The following CADM1 variants were observed in gnomAD, a reference collection of about 807,000 sequenced individuals.
CADM1 encodes the protein TSLC-1.
In CADM1, 15 loss-of-function variants were observed where a neutral mutation model predicts 53.1. The observed-to-expected ratio is 0.28, with a 90% CI of 0.19 to 0.44. The LOEUF (loss-of-function observed/expected upper bound fraction) is 0.44. CADM1 is among the 20% of genes least tolerant of loss of function. CADM1 has a pLI of 1.00. For synonymous variants in CADM1, 281 were observed against 243.0 expected, an observed-to-expected ratio of 1.16 and a Z score of -1.45; for missense variants, 434 against 611.3, an observed-to-expected ratio of 0.71 and a Z score of 3.06.
intron 3 of CADM1, among the ~76,000 whole-genome samples, chr11:115,233,452 T>C (rs11215437): frequency 0.3 from 45,797 of 152,088 alleles, 7,616 homozygotes; most frequent in East Asian, 0.65. Flanking sequence ...TAGATGACAG[T>C]CACGTAGGTT....
At position 115,474,630 on chromosome 11, in the gene CADM1, T is replaced by C. The variant is rs1015530089; in HGVS notation, c.124+29641A>G. Among the ~76,000 whole-genome samples the C allele has an allele frequency of 8.4e-5, 11 of 131,558 alleles. 1 individual carries two copies. The highest frequency in any genetic ancestry group is 6.5e-4 in the Admixed American group (7 of 10,822). The allele number at this position is 131,558 out of a possible 152,430, so 86.3% of individuals were successfully genotyped here. A position where few individuals can be genotyped will look rare whatever the true frequency, so the allele number is the denominator to read the frequency against. On this transcript the variant is annotated intron_variant, in intron 1 of 11. Coordinates refer to ENST00000331581, the MANE Select transcript of CADM1 (RefSeq NM_001301043.2). ...ACCAAACACCGCATGCTCTCACTCA[T>C]AGAAGGGAATTGAACAATGAGAACA...
intron 1 of CADM1, among the ~76,000 whole-genome samples, chr11:115,351,002 T>A (rs930138775): frequency 1.3e-5 from 2 of 152,002 alleles, no homozygotes; most frequent in Non-Finnish European, 2.9e-5. Context: ...CCAGTGTATA[T>A]TAACATTCCT....
At chr11:115,332,069 A>G (rs1486969721) in intron 1 of CADM1, among the ~76,000 whole-genome samples, 3 of 152,160 alleles carry the variant, frequency 2.0e-5, no homozygotes, top group Non-Finnish European at 4.4e-5. Context: ...TGAGTTGGAA[A>G]TTCTCAAAGA....
intron 10 of CADM1, among the ~76,000 whole-genome samples, chr11:115,182,413 C>T: frequency 6.6e-6 from 1 of 152,198 alleles, no homozygotes; most frequent in Non-Finnish European, 1.5e-5. Flanking sequence ...GCCCCATCAT[C>T]CTGAAAAGTA....
intron 1 of CADM1, among the ~76,000 whole-genome samples, chr11:115,475,938 T>C (rs1001783501): frequency 1.3e-5 from 2 of 152,244 alleles, no homozygotes; most frequent in Non-Finnish European, 2.9e-5. Flanking sequence ...TTTCAGTTTA[T>C]GTAAATTTAA....
chr11:115,354,395 G>C (rs943457718), intron 1 of CADM1, among the ~76,000 whole-genome samples: 4 of 152,180 alleles, frequency 2.6e-5, no homozygotes, highest in African/African-American at 9.7e-5. Flanking sequence ...TGCAACAGAG[G>C]ACGAAGCAAC....
At chr11:115,289,599 T>C (rs1298934308) in intron 1 of CADM1, among the ~76,000 whole-genome samples, 44 of 88,608 alleles carry the variant, frequency 5.0e-4, no homozygotes, top group African/African-American at 1.8e-3. Context: ...TTTTCTTTTT[T>C]TTTTTTTTTT....
intron 1 of CADM1, among the ~76,000 whole-genome samples, chr11:115,295,993 C>A (rs539493630): frequency 1.3e-5 from 2 of 152,146 alleles, no homozygotes; most frequent in Non-Finnish European, 2.9e-5. Flanking sequence ...CTCTGTCACC[C>A]AAGCTGGAGT....
intron 1 of CADM1, among the ~76,000 whole-genome samples, chr11:115,467,293 G>A (rs1040505211): frequency 6.6e-6 from 1 of 152,226 alleles, no homozygotes; most frequent in Admixed American, 6.5e-5. Flanking sequence ...ACACTTCAGA[G>A]TGGGTACCTA....
intron 3 of CADM1, among the ~76,000 whole-genome samples, chr11:115,233,788 G>T (rs1245488830): frequency 3.9e-5 from 6 of 152,156 alleles, no homozygotes; most frequent in Non-Finnish European, 7.4e-5. Flanking sequence ...GTTGAAATAT[G>T]CAGTGGTTCC....
At chr11:115,202,967 C>G (rs1362409805) in intron 8 of CADM1, among the ~76,000 whole-genome samples, 1 of 151,640 alleles carries the variant, frequency 6.6e-6, no homozygotes, top group Non-Finnish European at 1.5e-5. Flanking sequence ...ATTTTCTTTC[C>G]ATCTATGTTA....
intron 3 of CADM1, among the ~76,000 whole-genome samples, chr11:115,235,761 C>T (rs764065978): frequency 3.3e-5 from 5 of 152,072 alleles, no homozygotes; most frequent in Non-Finnish European, 5.9e-5. Context: ...ATCTTAAGAA[C>T]GAACACTAAT....
intron 9 of CADM1, among the ~76,000 whole-genome samples, chr11:115,194,282 T>C (rs767430373): frequency 2.0e-5 from 3 of 152,180 alleles, no homozygotes; most frequent in Non-Finnish European, 4.4e-5. Context: ...AAAATGGGCT[T>C]AAGAATTTCC....
At chr11:115,366,204 A>T (rs1946152778) in intron 1 of CADM1, among the ~76,000 whole-genome samples, 2 of 152,330 alleles carry the variant, frequency 1.3e-5, no homozygotes, top group South Asian at 4.1e-4. Context: ...AGAAGCAAAC[A>T]TCACATTTCT....
intron 1 of CADM1, among the ~76,000 whole-genome samples, chr11:115,250,492 A>T (rs1267262197): frequency 6.6e-6 from 1 of 152,214 alleles, no homozygotes; most frequent in African/African-American, 2.4e-5. Flanking sequence ...AACGGGTAAC[A>T]ATAATTACTA....
Position 115,174,329 on chromosome 11 carries a change from C to A in CADM1, c.*2145G>T. Reference sequence around the variant, plus strand: ...TCTAAAAAGAACAACTGAAAAAAAACCTTTCAACAACATGCTAAATGATTC... The same window carrying A: ...TCTAAAAAGAACAACTGAAAAAAAAACTTTCAACAACATGCTAAATGATTC... On this transcript the variant is annotated 3_prime_UTR_variant, in exon 12 of 12. Transcript: ENST00000331581. The A allele has an allele frequency of 2.0e-6, 2 of 983,438 alleles. No homozygotes were observed. Among genetic ancestry groups the A allele is most frequent in the Non-Finnish European group, 2.4e-6 (2 of 828,616 alleles). 60.9% of individuals were successfully genotyped at this position (983,438 alleles called of 1,614,324 possible).
chr11:115,486,232 T>C (rs920988909), intron 1 of CADM1, among the ~76,000 whole-genome samples: 3 of 152,250 alleles, frequency 2.0e-5, no homozygotes, highest in African/African-American at 7.2e-5. Context: ...ATTGTAGGAC[T>C]CATGAACCTC....
At chr11:115,197,873 A>C (rs1229390382) in intron 9 of CADM1, among the ~76,000 whole-genome samples, 1 of 152,176 alleles carries the variant, frequency 6.6e-6, no homozygotes, top group Non-Finnish European at 1.5e-5. Flanking sequence ...TTAGCAACAT[A>C]ATTAAAGTCA....
intron 1 of CADM1, among the ~76,000 whole-genome samples, chr11:115,338,473 C>G (rs750816114): frequency 4.2e-4 from 64 of 152,228 alleles, no homozygotes; most frequent in Non-Finnish European, 6.3e-4. Flanking sequence ...GAACTAATAT[C>G]TAAGGTACAC....
Sources: allele counts gnomAD v4.1 joint callset (sites outside exome capture counted in the v4.1 genomes callset), GRCh38; gene constraint gnomAD v4.1.1; transcripts MANE v1.5; gene names NCBI Gene and HGNC (gene_info 2026-07-23, HGNC 2026-07-21).